Variants in PSMD9 observed in about 807,000 individuals in gnomAD.
The protein encoded by PSMD9 is proteasome 26S subunit, non-ATPase 9.
PSMD9 carries 26 observed loss-of-function variants against 25.9 expected under a neutral mutation model. The observed-to-expected ratio is 1.00, with a 90% CI of 0.73 to 1.39. PSMD9 has a LOEUF of 1.39. Among genes scored for constraint, PSMD9 ranks in the 40% most tolerant of loss-of-function variants. The pLI is 0.00. For missense variants in PSMD9, 303 were observed against 299.3 expected, an observed-to-expected ratio of 1.01 and a Z score of -0.09; for synonymous variants, 110 against 114.5, an observed-to-expected ratio of 0.96 and a Z score of 0.25.
intron 5 of PSMD9, 107 bp downstream of exon 5, chr12:121,916,051 C>T (rs1215067361): frequency 4.6e-6 from 6 of 1,300,360 alleles, no homozygotes; most frequent in Non-Finnish European, 5.4e-6. Flanking sequence ...AATGGGAATC[C>T]CCAGTTTGCA....
intron 1 of PSMD9, 40 bp from the exon 2 acceptor site, chr12:121,894,699 A>G (rs1322142791): frequency 6.4e-7 from 1 of 1,553,220 alleles, no homozygotes; most frequent in Non-Finnish European, 8.9e-7. Flanking sequence ...TGGGGACATT[A>G]CACCCATGAG....
intron 4 of PSMD9, among the ~76,000 whole-genome samples, chr12:121,908,934 A>C (rs1057455813): frequency 3.9e-5 from 6 of 152,110 alleles, no homozygotes; most frequent in Non-Finnish European, 8.8e-5. Flanking sequence ...GGAGGTGTTA[A>C]GGTCAGGCCT....
At position 121,915,919 on chromosome 12, in the gene PSMD9, C is replaced by A. The variant is rs376869654; in HGVS notation, c.619C>A (p.Arg207Ser). The change falls in exon 5 of 6, where the codon CGC (arginine) becomes AGC (serine). Residue 207 changes from arginine to serine, a missense_variant. Arg to Ser is a moderately radical substitution (Grantham distance 110). Transcript: ENST00000541212. ...EKHQLRLVPT[R>S]WAGKGLLGCN... ...ACACCAGCTTAGACTTGTTCCAACA[C>A]GCTGGGCAGGAAAAGGACTGCTGGG... is the stretch of plus-strand genomic sequence containing the variant. 7.9e-5 allele frequency: 127 copies of A among 1,613,878 alleles called. 1 individual carries two copies. The South Asian group carries it at 1.3e-3, about 17-fold the overall frequency.
At chr12:121,908,793 T>C (rs1293454667) in intron 4 of PSMD9, among the ~76,000 whole-genome samples, 1 of 152,098 alleles carries the variant, frequency 6.6e-6, no homozygotes, top group Non-Finnish European at 1.5e-5. Flanking sequence ...GAAGTTTCTC[T>C]GGTCGAGGGG....
intron 1 of PSMD9, among the ~76,000 whole-genome samples, chr12:121,889,945 T>G (rs916327450): frequency 1.3e-5 from 2 of 151,396 alleles, no homozygotes; most frequent in Admixed American, 6.6e-5. Context: ...TGAGACGGAG[T>G]CTTGCTTTGT....
intron 1 of PSMD9, chr12:121,893,760 GATCCTTAACATAATTAC>G (rs1879153863): frequency 6.6e-6 from 1 of 152,210 alleles, no homozygotes; most frequent in African/African-American, 2.4e-5. Context: ...CTTATCTCGA[GATCCTTAACATAATTAC>G]ATCTACAAAG....
intron 3 of PSMD9, among the ~76,000 whole-genome samples, chr12:121,900,048 G>A (rs1046087981): frequency 6.6e-6 from 1 of 152,220 alleles, no homozygotes; most frequent in Non-Finnish European, 1.5e-5. Flanking sequence ...AGCCCCGGCT[G>A]CCCACTACAT....
Position 121,917,653 on chromosome 12 carries a change from C to T in PSMD9, c.*1342C>T, listed in dbSNP as rs901364996. ...ATTGGTATTGCTGTGTGCTTCCAGC[C>T]ACAGGTTCTCACACTCAATTCCAAA... On this transcript the variant is annotated 3_prime_UTR_variant, in exon 6 of 6. Transcript: ENST00000541212. 6.6e-6 allele frequency: 1 copy of T among 152,212 alleles called. No individual in the cohort carries two copies. The highest frequency in any genetic ancestry group is 1.5e-5 in the Non-Finnish European group (1 of 68,064). The allele number at this position is 152,212 out of a possible 1,614,324, so 9.4% of individuals were successfully genotyped here.
chr12:121,905,621 A>G (rs758735362), intron 4 of PSMD9, among the ~76,000 whole-genome samples: 1 of 151,382 alleles, frequency 6.6e-6, no homozygotes, highest in Non-Finnish European at 1.5e-5. Context: ...TCTGCCTCCC[A>G]GGTTCAAGCG....
chr12:121,914,891 T>C (rs1180980639), intron 4 of PSMD9: 2 of 152,042 alleles, frequency 1.3e-5, no homozygotes, highest in Admixed American at 1.3e-4. Flanking sequence ...GTTAAAAAAT[T>C]AATGATATGG....
chr12:121,894,836 T>A lies in PSMD9; in HGVS notation c.236T>A (p.Ile79Asn). 2 of 1,612,874 alleles carry A rather than the reference T, an allele frequency of 1.2e-6. No individual in the cohort carries two copies. The highest frequency in any genetic ancestry group is 1.7e-6 in the Non-Finnish European group (2 of 1,179,378). The change falls in exon 2 of 6, where the codon ATC (isoleucine) becomes AAC (asparagine). Residue 79 changes from isoleucine to asparagine, a missense_variant. Coordinates refer to ENST00000541212, the MANE Select transcript of PSMD9 (RefSeq NM_002813.7). Reference sequence around the variant, plus strand: ...CAAGTCCGCACCGCCAGGCACAACATCATATGTGAGTGGCCCTCTTAGAAG... The same window carrying A: ...CAAGTCCGCACCGCCAGGCACAACAACATATGTGAGTGGCCCTCTTAGAAG... ...LYQVRTARHN[I>N]ICLQNDHKAV...
At chr12:121,903,653 C>T (rs964132756) in intron 4 of PSMD9, among the ~76,000 whole-genome samples, 2 of 151,996 alleles carry the variant, frequency 1.3e-5, no homozygotes, top group African/African-American at 4.8e-5. Flanking sequence ...ACACTGGTGA[C>T]ATGCTCGCAG....
chr12:121,889,021 GTCGCCT>G, intron 1 of PSMD9, 27 bp downstream of exon 1: 1 of 1,567,994 alleles, frequency 6.4e-7, no homozygotes, highest in Non-Finnish European at 8.7e-7. Context: ...GGCGCCCCAA[GTCGCCT>G]AACCCGGCCC....
chr12:121,893,757 C>G (rs542241022), intron 1 of PSMD9: 1 of 152,210 alleles, frequency 6.6e-6, no homozygotes, highest in Non-Finnish European at 1.5e-5. Flanking sequence ...GAGCTTATCT[C>G]GAGATCCTTA....
chr12:121,894,789 C>A lies in PSMD9; in HGVS notation c.189C>A (p.Pro63=). Residue 63 remains proline, a synonymous_variant, in exon 2 of 6, where the codon CCC becomes CCA. Coordinates refer to ENST00000541212, the MANE Select transcript of PSMD9 (RefSeq NM_002813.7). Reference sequence around the variant, plus strand: ...CGCTGGTGGACTGTGAGGGCTACCCCCGGTCAGACGTGGACCTGTACCAAG... The same window carrying A: ...CGCTGGTGGACTGTGAGGGCTACCCACGGTCAGACGTGGACCTGTACCAAG... ...NEPLVDCEGY[P]RSDVDLYQVR... 1 of 1,614,070 alleles carries A rather than the reference C, an allele frequency of 6.2e-7. No homozygotes were observed. The highest frequency in any genetic ancestry group is 8.5e-7 in the Non-Finnish European group (1 of 1,180,008).
intron 4 of PSMD9, among the ~76,000 whole-genome samples, chr12:121,910,143 C>T (rs1248750798): frequency 3.0e-5 from 4 of 135,264 alleles, no homozygotes; most frequent in East Asian, 2.2e-4. Flanking sequence ...TGGAGTGCAG[C>T]GGCATGATCT....
intron 4 of PSMD9, chr12:121,911,083 A>C (rs7970565): frequency 0.43 from 191,454 of 441,252 alleles, 44,063 homozygotes; most frequent in Non-Finnish European, 0.49. Flanking sequence ...TCTGTTGCCC[A>C]GGCTGGAGTG....
At chr12:121,910,812 C>A (rs562837298) in intron 4 of PSMD9, 1 of 354,534 alleles carries the variant, frequency 2.8e-6, no homozygotes. Context: ...ACTTTAGTGG[C>A]ATTAAGTACA....
chr12:121,893,370 CTT>C (rs1879142822), intron 1 of PSMD9, among the ~76,000 whole-genome samples: 1 of 152,156 alleles, frequency 6.6e-6, no homozygotes, highest in African/African-American at 2.4e-5. Context: ...TGGAATCCCT[CTT>C]CTCAGTGCCT....
Sources: gnomAD v4.1 joint callset for allele counts (sites outside exome capture counted in the v4.1 genomes callset) on GRCh38, gnomAD v4.1.1 for gene constraint, MANE v1.5 for transcripts, NCBI Gene and HGNC (gene_info 2026-07-23, HGNC 2026-07-21) for gene names.